The following HECW1 variants were observed in gnomAD, a reference collection of about 807,000 sequenced individuals.
HECW1 encodes the protein E3 ubiquitin-protein ligase HECW1.
Under a neutral mutation model 182.3 loss-of-function variants are expected in HECW1, and 61 were observed. The ratio of observed to expected loss-of-function variants is 0.33; its 90% CI spans 0.27 to 0.41. HECW1 has a LOEUF of 0.41. HECW1 is among the 10% of genes least tolerant of loss of function. HECW1 has a pLI of 1.00. For synonymous variants in HECW1, 859 were observed against 832.6 expected, an observed-to-expected ratio of 1.03 and a Z score of -0.55; for missense variants, 1,739 against 2,108.9, an observed-to-expected ratio of 0.82 and a Z score of 3.44.
At chr7:43,310,201 G>T (rs1210184230) in intron 3 of HECW1, among the ~76,000 whole-genome samples, 2 of 152,126 alleles carry the variant, frequency 1.3e-5, no homozygotes, top group African/African-American at 4.8e-5. Context: ...ATTTTACAAA[G>T]GTCTCTGGAC....
intron 2 of HECW1, among the ~76,000 whole-genome samples, chr7:43,134,967 T>C (rs1787364744): frequency 6.6e-6 from 1 of 152,226 alleles, no homozygotes; most frequent in Admixed American, 6.5e-5. Context: ...GTTTTTGCTC[T>C]CGTTGACTTT....
At position 43,554,753 on chromosome 7, in the gene HECW1, T is replaced by C; in HGVS notation, c.4672T>C (p.Cys1558Arg). The C allele has an allele frequency of 6.2e-7, 1 of 1,614,026 alleles. No homozygotes were observed. ...LRGSNGLRRF[C>R]IEKWGKITSL... ...TGGGAGCAATGGGCTTCGGCGCTTC[T>C]GCATAGAGAAATGGGGGAAAATTAC... Residue 1558 changes from cysteine (C) to arginine (R), a missense_variant, in exon 29 of 30, where the codon TGC becomes CGC. Around this residue, in one of 5 missense-constraint regions of HECW1, gnomAD observed 420 missense variants for 595.7 expected, o/e 0.71. Transcript: ENST00000395891.
At chr7:43,560,134 AT>A (rs771976268) in intron 29 of HECW1, among the ~76,000 whole-genome samples, 14 of 152,010 alleles carry the variant, frequency 9.2e-5, no homozygotes, top group Non-Finnish European at 1.8e-4. Context: ...CATGCTTGGG[AT>A]TTTTCACCCC....
At chr7:43,377,943 G>A (rs1374808898) in intron 6 of HECW1, 1 of 184,912 alleles carries the variant, frequency 5.4e-6, no homozygotes, top group African/African-American at 2.3e-5. Context: ...TTTCCAAGGA[G>A]GTTAGTAGAC....
At chr7:43,473,732 G>T (rs1370311316) in intron 16 of HECW1, among the ~76,000 whole-genome samples, 2 of 152,032 alleles carry the variant, frequency 1.3e-5, no homozygotes, top group Admixed American at 6.6e-5. Flanking sequence ...AAAAACAAAG[G>T]TTAAATATGG....
chr7:43,375,994 C>CAT (rs2074307864), intron 6 of HECW1, among the ~76,000 whole-genome samples: 1 of 148,992 alleles, frequency 6.7e-6, no homozygotes, highest in Non-Finnish European at 1.5e-5. Flanking sequence ...GGTTGAGGTG[C>CAT]ATATATATAA....
At chr7:43,469,258 T>C (rs2077917203) in intron 16 of HECW1, among the ~76,000 whole-genome samples, 153 bp downstream of exon 16, 1 of 152,188 alleles carries the variant, frequency 6.6e-6, no homozygotes, top group African/African-American at 2.4e-5. Flanking sequence ...ACCACCCACA[T>C]CTGGGTTTCT....
chr7:43,179,197 A>G (rs1792553980), intron 2 of HECW1, among the ~76,000 whole-genome samples: 2 of 152,240 alleles, frequency 1.3e-5, no homozygotes, highest in Admixed American at 1.3e-4. Flanking sequence ...TAGCCAAACC[A>G]AGATGCTGGA....
At chr7:43,434,925 A>C (rs1237625498) in intron 8 of HECW1, among the ~76,000 whole-genome samples, 1 of 152,228 alleles carries the variant, frequency 6.6e-6, no homozygotes, top group Non-Finnish European at 1.5e-5. Context: ...TTCATTATAG[A>C]AAGTGTGGAA....
At chr7:43,407,799 C>A in intron 8 of HECW1, 68 bp downstream of exon 8, 1 of 1,349,842 alleles carries the variant, frequency 7.4e-7, no homozygotes, top group Non-Finnish European at 1.0e-6. Context: ...ACCAGCCCTC[C>A]TCCTTCCCTC....
chr7:43,169,275 A>G (rs1432036535), intron 2 of HECW1, among the ~76,000 whole-genome samples: 1 of 152,208 alleles, frequency 6.6e-6, no homozygotes, highest in Non-Finnish European at 1.5e-5. Flanking sequence ...GGTGAAATGT[A>G]AAGCCTAGAG....
chr7:43,187,913 G>A (rs1000058465), intron 2 of HECW1, among the ~76,000 whole-genome samples: 4 of 152,156 alleles, frequency 2.6e-5, no homozygotes, highest in African/African-American at 9.7e-5. Context: ...TTTCACATGT[G>A]CAACCATCTG....
intron 3 of HECW1, among the ~76,000 whole-genome samples, chr7:43,270,030 T>C (rs28645714): frequency 0.07 from 10,616 of 152,242 alleles, 1,101 homozygotes; most frequent in African/African-American, 0.23. Flanking sequence ...CACATTAGCA[T>C]TGTTGTAAGC....
At chr7:43,145,285 C>T (rs1016804393) in intron 2 of HECW1, among the ~76,000 whole-genome samples, 1 of 151,758 alleles carries the variant, frequency 6.6e-6, no homozygotes, top group African/African-American at 2.4e-5. Context: ...TGGCTTTGCC[C>T]TTTCCTTCTT....
chr7:43,519,522 G>A (rs2080341520), intron 24 of HECW1, among the ~76,000 whole-genome samples: 2 of 152,200 alleles, frequency 1.3e-5, no homozygotes, highest in South Asian at 4.1e-4. Context: ...GGGATTACAG[G>A]CGTGAGCCAC....
intron 7 of HECW1, among the ~76,000 whole-genome samples, chr7:43,400,478 G>A (rs2075369385): frequency 1.3e-5 from 2 of 152,018 alleles, no homozygotes; most frequent in Admixed American, 1.3e-4. Flanking sequence ...AACAATGTGT[G>A]GAGAAAATAC....
intron 16 of HECW1, among the ~76,000 whole-genome samples, chr7:43,473,300 C>CT (rs1294463640): frequency 6.6e-6 from 1 of 152,126 alleles, no homozygotes; most frequent in Non-Finnish European, 1.5e-5. Context: ...CCAAATAAAC[C>CT]TTTTTTCTTT....
intron 5 of HECW1, among the ~76,000 whole-genome samples, chr7:43,340,461 T>C (rs1219802827): frequency 1.3e-5 from 2 of 151,214 alleles, no homozygotes; most frequent in African/African-American, 4.9e-5. Flanking sequence ...CCTCAGGTGA[T>C]CCACCCACCT....
chr7:43,458,215 A>G (rs1865317), intron 13 of HECW1, among the ~76,000 whole-genome samples: 24,615 of 152,248 alleles, frequency 0.16, 2,532 homozygotes, highest in Non-Finnish European at 0.22. Context: ...CTGTCTTGCC[A>G]AAAATGATAA....
Sources: gnomAD v4.1 joint callset for allele counts (sites outside exome capture counted in the v4.1 genomes callset) on GRCh38, gnomAD v4.1.1 for gene constraint, gnomAD v4.1.1 regional missense constraint, MANE v1.5 for transcripts, NCBI Gene and HGNC (gene_info 2026-07-23, HGNC 2026-07-21) for gene names.